The following ROBO1 variants were observed in gnomAD, a reference collection of about 807,000 sequenced individuals.
The protein encoded by ROBO1 is roundabout homolog 1.
Under a neutral mutation model 195.9 loss-of-function variants are expected in ROBO1, and 149 were observed. That is an observed-to-expected ratio of 0.76 (90% confidence interval 0.67 to 0.87). The LOEUF is 0.87. Ranked by LOEUF, ROBO1 falls within the 40% of genes least tolerant of loss-of-function variation. ROBO1 has a pLI of 0.00. For missense variants in ROBO1, 1,933 were observed against 2,068.3 expected (o/e 0.93, Z 1.27); for synonymous variants, 816 against 733.2 (o/e 1.11, Z -1.82).
intron 2 of ROBO1, among the ~76,000 whole-genome samples, chr3:79,155,545 A>T (rs2080844121): frequency 6.6e-6 from 1 of 151,702 alleles, no homozygotes; most frequent in Admixed American, 6.6e-5. Flanking sequence ...GTCTTTCCCC[A>T]TTACTAGTAA....
At chr3:78,976,445 T>C (rs1270970991) in intron 3 of ROBO1, among the ~76,000 whole-genome samples, 1 of 152,202 alleles carries the variant, frequency 6.6e-6, no homozygotes, top group Non-Finnish European at 1.5e-5. Flanking sequence ...CCTATGAGAC[T>C]GGAGATCCCT....
chr3:79,490,822 T>A (rs1490266646), intron 2 of ROBO1, among the ~76,000 whole-genome samples: 1 of 152,128 alleles, frequency 6.6e-6, no homozygotes, highest in Admixed American at 6.5e-5. Flanking sequence ...GACCTCTTTA[T>A]CTGGGGATTT....
chr3:78,709,456 CT>C (rs1417444873), intron 8 of ROBO1, among the ~76,000 whole-genome samples: 8 of 152,182 alleles, frequency 5.3e-5, no homozygotes, highest in African/African-American at 1.7e-4. Flanking sequence ...CCCAAACTTC[CT>C]AATATCACCA....
At chr3:78,963,642 C>T (rs1423516736) in intron 3 of ROBO1, among the ~76,000 whole-genome samples, 20 of 151,218 alleles carry the variant, frequency 1.3e-4, no homozygotes, top group Non-Finnish European at 2.9e-5. Context: ...CCTCAGCCTC[C>T]GGAGTAGCTG....
intron 2 of ROBO1, among the ~76,000 whole-genome samples, chr3:79,371,453 T>C (rs1319792485): frequency 6.6e-6 from 1 of 152,160 alleles, no homozygotes; most frequent in African/African-American, 2.4e-5. Context: ...TTATATTCCA[T>C]TTACGTAGTA....
chr3:78,914,272 C>G (rs1423790690), intron 4 of ROBO1, among the ~76,000 whole-genome samples: 1 of 151,942 alleles, frequency 6.6e-6, no homozygotes, highest in African/African-American at 2.4e-5. Context: ...CATATTGCAT[C>G]AAAAATGGAA....
chr3:79,696,685 G>C (rs896368922), intron 1 of ROBO1, among the ~76,000 whole-genome samples: 40 of 151,170 alleles, frequency 2.6e-4, no homozygotes, highest in Non-Finnish European at 5.0e-4. Context: ...AAAGAAAATG[G>C]CACCTGGATA....
chr3:79,620,591 T>C (rs1446356035), intron 1 of ROBO1, among the ~76,000 whole-genome samples: 2 of 152,036 alleles, frequency 1.3e-5, no homozygotes, highest in Non-Finnish European at 1.5e-5. Flanking sequence ...TTAACTAAAT[T>C]ATCTGCTTCC....
At chr3:78,860,324 A>AT (rs1452163134) in intron 4 of ROBO1, among the ~76,000 whole-genome samples, 128 of 59,860 alleles carry the variant, frequency 2.1e-3, no homozygotes, top group South Asian at 4.2e-3. Context: ...ATATATATAT[A>AT]TATTTTTTTT....
intron 2 of ROBO1, among the ~76,000 whole-genome samples, chr3:79,334,529 C>T (rs1431897966): frequency 6.6e-6 from 1 of 151,440 alleles, no homozygotes; most frequent in African/African-American, 2.4e-5. Context: ...AGTAGATGTT[C>T]GATAAACTTG....
At chr3:79,089,962 C>T (rs1415229081) in intron 3 of ROBO1, among the ~76,000 whole-genome samples, 3 of 134,052 alleles carry the variant, frequency 2.2e-5, no homozygotes, top group Admixed American at 7.5e-5. Context: ...TTTTTTAAGA[C>T]GGAGTCTTCC....
chr3:79,753,456 G>C (rs1293255318), intron 1 of ROBO1, among the ~76,000 whole-genome samples: 2 of 152,142 alleles, frequency 1.3e-5, no homozygotes, highest in Non-Finnish European at 2.9e-5. Context: ...GTACATGAGA[G>C]ACTTATCTGC....
chr3:79,607,108 C>CACACACAA (rs1234392926), intron 1 of ROBO1, among the ~76,000 whole-genome samples: 1 of 150,042 alleles, frequency 6.7e-6, no homozygotes, highest in Non-Finnish European at 1.5e-5. Context: ...CACACACACA[C>CACACACAA]ACACACACAC....
chr3:79,656,480 CT>C, intron 1 of ROBO1, among the ~76,000 whole-genome samples: 1 of 152,120 alleles, frequency 6.6e-6, no homozygotes, highest in South Asian at 2.1e-4. Flanking sequence ...TAATAGTATA[CT>C]TTATTGAATG....
chr3:78,597,593 CAAAA>C lies in ROBO1; in HGVS notation c.*1316_*1319del, dbSNP rs947023175. On this transcript the variant is annotated 3_prime_UTR_variant, in exon 31 of 31. Transcript: ENST00000464233. ...AAAATCAATGATATTCATAAAATGA[CAAAA>C]AAGGATCATAGAAATCTACTAGTCA... is the stretch of plus-strand genomic sequence containing the variant. The C allele has an allele frequency of 5.9e-5, 9 of 151,954 alleles. No individual in the cohort carries two copies. Among genetic ancestry groups the C allele is most frequent in the South Asian group, 4.1e-4 (2 of 4,820 alleles). 9.4% of individuals were successfully genotyped at this position (151,954 alleles called of 1,614,324 possible).
In ROBO1 at chr3:78,617,815, C is replaced by T; in HGVS notation, c.4102G>A (p.Gly1368Arg). Residue 1368 changes from glycine (G) to arginine (R), a missense_variant, in exon 27 of 31, where the codon GGG becomes AGG. This residue lies in a region of ROBO1 where 1,737 missense variants were observed against 1,882.5 expected (regional missense o/e 0.92). Transcript: ENST00000464233. ...GAGCCCCAGCCGTTGATCATGGACC[C>T]CGTGACAGAGCTCTCCAGGTCCCCA... ...SVGDLESSVT[G>R]SMINGWGSAS... 6.2e-7 allele frequency: 1 copy of T among 1,613,932 alleles called. No individual in the cohort carries two copies. Among genetic ancestry groups the T allele is most frequent in the Non-Finnish European group, 8.5e-7 (1 of 1,179,868 alleles).
Position 78,957,865 on chromosome 3 carries a change from T to A in ROBO1, c.173-18938A>T, listed in dbSNP as rs144869426. 9.3e-3 allele frequency among the ~76,000 whole-genome samples: 1,424 copies of A among 152,330 alleles called. 14 individuals are homozygous for A. Among genetic ancestry groups the A allele is most frequent in the Non-Finnish European group, 0.016 (1,104 of 68,024 alleles). ...TTATTTTTCACTTCACATTTGATTA[T>A]TTTTAAGCATGTGTGAGATCCTTCA... On this transcript the variant is annotated intron_variant, in intron 3 of 30. Transcript: ENST00000464233.
intron 2 of ROBO1, among the ~76,000 whole-genome samples, chr3:79,259,755 G>T (rs2108936604): frequency 6.6e-6 from 1 of 152,158 alleles, no homozygotes; most frequent in East Asian, 1.9e-4. Flanking sequence ...ATAGGCAAAA[G>T]ATTTAAATCG....
chr3:78,688,931 T>C, intron 8 of ROBO1, 159 bp from the exon 9 acceptor site: 1 of 726,130 alleles, frequency 1.4e-6, no homozygotes, highest in Non-Finnish European at 2.0e-6. Context: ...GAAACTAAAA[T>C]GTTAAGTTCA....
Sources: allele counts gnomAD v4.1 joint callset (sites outside exome capture counted in the v4.1 genomes callset), GRCh38; gene constraint gnomAD v4.1.1; regional missense constraint gnomAD v4.1.1; transcripts MANE v1.5; gene names NCBI Gene and HGNC (gene_info 2026-07-23, HGNC 2026-07-21).